MCUB: variants seen among roughly 807,000 people sequenced by gnomAD.
MCUB encodes calcium uniporter regulatory subunit MCUb, mitochondrial.
MCUB carries 46 observed loss-of-function variants against 41.4 expected under a neutral mutation model. The observed-to-expected ratio is 1.11, with a 90% CI of 0.88 to 1.42. The LOEUF (loss-of-function observed/expected upper bound fraction) is 1.42, where lower values mean the gene tolerates loss of function less well. MCUB is among the 40% of genes most tolerant of loss of function. MCUB has a pLI of 0.00. For missense variants in MCUB, 403 were observed against 404.9 expected (o/e 1.00, Z 0.04); for synonymous variants, 148 against 148.2 (o/e 1.00, Z 0.01).
rs148501537 is a variant in MCUB at position 109,660,591 on chromosome 4, C to T, written c.346+226C>T. ...AGCACTTTTGGGAGGCCGAGTCAGG[C>T]GGATCACCTGAGGTCAGGAGTTCGA... is the stretch of plus-strand genomic sequence containing the variant. On this transcript the variant is annotated intron_variant, in intron 3 of 7. Transcript: ENST00000394650. Among the ~76,000 whole-genome samples the T allele has an allele frequency of 0.036, 5,484 of 152,106 alleles. 145 individuals carry two copies. Among genetic ancestry groups the T allele is most frequent in the Non-Finnish European group, 0.052 (3,520 of 67,990 alleles).
rs1424813478 is a variant in MCUB at position 109,683,052 on chromosome 4, T to A, written c.612+310T>A. On this transcript the variant is annotated intron_variant, in intron 5 of 7. Transcript: ENST00000394650. ...CAGTCATAATGTCTCTGTAAATAAGTATAATATGAGCAGGGCAGCACTAGC... is the reference window on the plus strand; with the variant it reads ...CAGTCATAATGTCTCTGTAAATAAGAATAATATGAGCAGGGCAGCACTAGC... 1.5e-5 allele frequency: 3 copies of A among 199,410 alleles called. No individual in the cohort carries two copies. The Admixed American group carries it at 1.8e-4, about 12-fold the overall frequency. 12.4% of individuals were successfully genotyped at this position (199,410 alleles called of 1,614,324 possible). A position where few individuals can be genotyped will look rare whatever the true frequency, so the allele number is the denominator to read the frequency against.
At chr4:109,641,971 A>G (rs1728724667) in intron 1 of MCUB, among the ~76,000 whole-genome samples, 1 of 152,222 alleles carries the variant, frequency 6.6e-6, no homozygotes, top group African/African-American at 2.4e-5. Context: ...AGATGTATTC[A>G]TTTAAATAGT....
chr4:109,626,548 C>T (rs919488888), intron 1 of MCUB, among the ~76,000 whole-genome samples: 1 of 152,074 alleles, frequency 6.6e-6, no homozygotes, highest in Middle Eastern at 3.4e-3. Flanking sequence ...CGCAGTGGCT[C>T]ATGCCTGTAA....
At chr4:109,620,006 C>T (rs1441601713) in intron 1 of MCUB, among the ~76,000 whole-genome samples, 1 of 152,104 alleles carries the variant, frequency 6.6e-6, no homozygotes, top group African/African-American at 2.4e-5. Flanking sequence ...CCTAACTGAG[C>T]TCTGCCTTTA....
intron 1 of MCUB, among the ~76,000 whole-genome samples, chr4:109,629,291 A>G (rs1351670889): frequency 6.6e-6 from 1 of 152,102 alleles, no homozygotes; most frequent in Non-Finnish European, 1.5e-5. Flanking sequence ...TGTCCAGCCT[A>G]GACTGTTTAC....
intron 1 of MCUB, among the ~76,000 whole-genome samples, chr4:109,592,008 AT>A (rs1479140194): frequency 6.6e-6 from 1 of 151,948 alleles, no homozygotes; most frequent in East Asian, 1.9e-4. Context: ...CCTCTCGAGT[AT>A]TTTCTTAACT....
intron 1 of MCUB, among the ~76,000 whole-genome samples, chr4:109,612,244 T>G (rs1270537217): frequency 1.4e-5 from 2 of 147,570 alleles, no homozygotes; most frequent in East Asian, 3.9e-4. Flanking sequence ...CTCTGGTATT[T>G]CTTCCTCCTC....
intron 1 of MCUB, among the ~76,000 whole-genome samples, chr4:109,604,669 A>C (rs988747343): frequency 6.6e-6 from 1 of 152,104 alleles, no homozygotes; most frequent in African/African-American, 2.4e-5. Context: ...TATGGCTTTT[A>C]TTACGTTGAG....
intron 1 of MCUB, among the ~76,000 whole-genome samples, chr4:109,592,182 G>A (rs1322614162): frequency 6.6e-6 from 1 of 151,808 alleles, no homozygotes; most frequent in Non-Finnish European, 1.5e-5. Context: ...GGCCGAGGTG[G>A]GTGGATCACT....
At chr4:109,629,250 C>G (rs1728424296) in intron 1 of MCUB, among the ~76,000 whole-genome samples, 1 of 152,084 alleles carries the variant, frequency 6.6e-6, no homozygotes, top group African/African-American at 2.4e-5. Flanking sequence ...GATTCTCTTC[C>G]CTCAGCCTTA....
chr4:109,601,821 C>T (rs1009144738), intron 1 of MCUB, among the ~76,000 whole-genome samples: 1 of 152,126 alleles, frequency 6.6e-6, no homozygotes, highest in Admixed American at 6.5e-5. Flanking sequence ...AAACTGTTCT[C>T]CTTAGTGGTT....
intron 1 of MCUB, among the ~76,000 whole-genome samples, chr4:109,604,893 C>T (rs547535666): frequency 6.6e-6 from 1 of 152,168 alleles, no homozygotes; most frequent in African/African-American, 2.4e-5. Context: ...GGTGAATGAC[C>T]TTTTCAATGT....
intron 1 of MCUB, among the ~76,000 whole-genome samples, chr4:109,580,204 T>G (rs1455919575): frequency 6.6e-6 from 1 of 152,228 alleles, no homozygotes; most frequent in Non-Finnish European, 1.5e-5. Context: ...GCAAAGGACA[T>G]GAACTCATCC....
intron 1 of MCUB, among the ~76,000 whole-genome samples, chr4:109,584,388 T>C (rs532109690): frequency 6.6e-6 from 1 of 152,316 alleles, no homozygotes; most frequent in East Asian, 1.9e-4. Flanking sequence ...TGTTGATCTT[T>C]CCAAAAAACT....
At chr4:109,600,916 TC>T (rs1288318406) in intron 1 of MCUB, among the ~76,000 whole-genome samples, 3 of 152,080 alleles carry the variant, frequency 2.0e-5, no homozygotes, top group African/African-American at 7.2e-5. Context: ...TGCCATAGCC[TC>T]CCGAATGGCT....
intron 1 of MCUB, among the ~76,000 whole-genome samples, chr4:109,622,295 T>C (rs1435393813): frequency 6.6e-6 from 1 of 152,244 alleles, no homozygotes; most frequent in African/African-American, 2.4e-5. Context: ...AAGTCTGTTC[T>C]CTACATTGTC....
chr4:109,579,823 A>G (rs2126126361), intron 1 of MCUB, among the ~76,000 whole-genome samples: 1 of 152,356 alleles, frequency 6.6e-6, no homozygotes, highest in African/African-American at 2.4e-5. Context: ...CTGACTGAAA[A>G]TAGCAATTAT....
chr4:109,584,118 A>T (rs1053898798), intron 1 of MCUB, among the ~76,000 whole-genome samples: 3 of 152,124 alleles, frequency 2.0e-5, no homozygotes, highest in Non-Finnish European at 1.5e-5. Flanking sequence ...TTATTGCCTC[A>T]ATTTCAGAAC....
At chr4:109,588,729 C>T (rs2126128168) in intron 1 of MCUB, among the ~76,000 whole-genome samples, 1 of 152,240 alleles carries the variant, frequency 6.6e-6, no homozygotes, top group South Asian at 2.1e-4. Context: ...ATAAGTCAGC[C>T]TGACCTTTTT....
Sources: allele counts gnomAD v4.1 joint callset (sites outside exome capture counted in the v4.1 genomes callset), GRCh38; gene constraint gnomAD v4.1.1; transcripts MANE v1.5; gene names NCBI Gene and HGNC (gene_info 2026-07-23, HGNC 2026-07-21).